Variants in AGBL4 observed in about 807,000 individuals in gnomAD.
AGBL4 encodes the protein AGBL carboxypeptidase 4, also known as cytosolic carboxypeptidase 6.
Under a neutral mutation model 66.4 loss-of-function variants are expected in AGBL4, and 58 were observed. The ratio of observed to expected loss-of-function variants is 0.87; its 90% CI spans 0.71 to 1.09. The LOEUF (loss-of-function observed/expected upper bound fraction) is 1.09, where lower values mean the gene tolerates loss of function less well. Among genes scored for constraint, AGBL4 ranks in the 50% least tolerant of loss-of-function variants. The probability of loss-of-function intolerance (pLI) is 0.00; values close to 1 mark genes in which losing one functional copy is unlikely to be tolerated. For synonymous variants in AGBL4, 234 were observed against 222.9 expected (o/e 1.05, Z -0.44); for missense variants, 579 against 631.0 (o/e 0.92, Z 0.88).
In AGBL4 at chr1:48,627,461, TTC is replaced by T. The variant is rs557416622; in HGVS notation, c.951+7030_951+7031del. 9.3e-3 allele frequency among the ~76,000 whole-genome samples: 1,410 copies of T among 152,112 alleles called. 15 individuals are homozygous for T. Among genetic ancestry groups the T allele is most frequent in the Middle Eastern group, 0.017 (5 of 294 alleles). ...GTGGGTTGGTGTGAATGAGTGCTGG[TTC>T]TGTGTGTGTTATTTGACCATGTCAC... On this transcript the variant is annotated intron_variant, in intron 9 of 13. Coordinates refer to ENST00000371839, the MANE Select transcript of AGBL4 (RefSeq NM_032785.4).
At chr1:48,749,458 A>G (rs931712211) in intron 6 of AGBL4, among the ~76,000 whole-genome samples, 2 of 152,222 alleles carry the variant, frequency 1.3e-5, no homozygotes, top group African/African-American at 4.8e-5. Flanking sequence ...AAAGACTCAG[A>G]GTAGTAAAGT....
chr1:48,845,703 T>C (rs1344116589), intron 6 of AGBL4, among the ~76,000 whole-genome samples: 1 of 152,220 alleles, frequency 6.6e-6, no homozygotes, highest in African/African-American at 2.4e-5. Flanking sequence ...AGAGCATCTA[T>C]ATGCCAGTAG....
chr1:49,829,663 A>G (rs1330758075), intron 2 of AGBL4, among the ~76,000 whole-genome samples: 1 of 152,168 alleles, frequency 6.6e-6, no homozygotes, highest in Non-Finnish European at 1.5e-5. Flanking sequence ...CATGTGCGGA[A>G]CGGTGCAGGT....
chr1:49,906,907 A>G (rs930947368), intron 1 of AGBL4, among the ~76,000 whole-genome samples: 1 of 152,096 alleles, frequency 6.6e-6, no homozygotes, highest in African/African-American at 2.4e-5. Context: ...CCTTAAATCC[A>G]CATTTTCTTA....
rs367999577 is a variant in AGBL4 at position 49,872,766 on chromosome 1, T to C, written c.35-21248A>G. 3.4e-4 allele frequency among the ~76,000 whole-genome samples: 52 copies of C among 152,222 alleles called. 1 individual carries two copies. The South Asian group carries it at 9.5e-3, about 28-fold the overall frequency. On this transcript the variant is annotated intron_variant, in intron 1 of 13. Coordinates refer to ENST00000371839, the MANE Select transcript of AGBL4 (RefSeq NM_032785.4). ...CCAAGTATAATAGGACTAAAACTTATGTGACAAATAAATTGATACTACTAT... is the reference window on the plus strand; with the variant it reads ...CCAAGTATAATAGGACTAAAACTTACGTGACAAATAAATTGATACTACTAT...
At chr1:49,610,719 C>T (rs1489765872) in intron 3 of AGBL4, among the ~76,000 whole-genome samples, 1 of 152,118 alleles carries the variant, frequency 6.6e-6, no homozygotes, top group African/African-American at 2.4e-5. Flanking sequence ...GACACTGAAC[C>T]TACTGGAACC....
chr1:48,841,400 A>AC (rs35019022), intron 6 of AGBL4, among the ~76,000 whole-genome samples: 89 of 103,482 alleles, frequency 8.6e-4, no homozygotes, highest in African/African-American at 3.8e-3. Flanking sequence ...TTACTACAAA[A>AC]CCCCCCCCCC....
intron 4 of AGBL4, among the ~76,000 whole-genome samples, chr1:49,186,770 G>C (rs772963079): frequency 3.9e-5 from 6 of 152,156 alleles, no homozygotes; most frequent in Non-Finnish European, 7.4e-5. Flanking sequence ...AAAGATAATA[G>C]AAAAACACTC....
At chr1:49,396,442 T>C (rs1370556618) in intron 3 of AGBL4, among the ~76,000 whole-genome samples, 1 of 152,084 alleles carries the variant, frequency 6.6e-6, no homozygotes, top group East Asian at 1.9e-4. Flanking sequence ...GTGGAAGAAG[T>C]GAAATAATCT....
intron 3 of AGBL4, among the ~76,000 whole-genome samples, chr1:49,682,527 A>G (rs1162626972): frequency 6.6e-6 from 1 of 152,222 alleles, no homozygotes; most frequent in Non-Finnish European, 1.5e-5. Context: ...TGCTTATTCA[A>G]TGTAGGTCAT....
intron 3 of AGBL4, chr1:49,469,715 T>G (rs1646703549): frequency 6.6e-6 from 1 of 151,920 alleles, no homozygotes; most frequent in African/African-American, 2.4e-5. Flanking sequence ...AACCAGTTCT[T>G]TCAAATTCCT....
chr1:48,581,953 C>T lies in AGBL4; in HGVS notation c.1267+5051G>A, dbSNP rs567485492. ...GACAGGAGAGAGGCCAAGAGGCCACCGGCCATGGCAGAAGCCTCTGAGGAT... is the reference window on the plus strand; with the variant it reads ...GACAGGAGAGAGGCCAAGAGGCCACTGGCCATGGCAGAAGCCTCTGAGGAT... On this transcript the variant is annotated intron_variant, in intron 11 of 13. Coordinates refer to ENST00000371839, the MANE Select transcript of AGBL4 (RefSeq NM_032785.4). 3.9e-4 allele frequency among the ~76,000 whole-genome samples: 60 copies of T among 152,318 alleles called. No individual in the cohort carries two copies. The South Asian group carries it at 4.6e-3, about 12-fold the overall frequency.
chr1:49,450,634 T>C (rs896787372), intron 3 of AGBL4, among the ~76,000 whole-genome samples: 7 of 152,124 alleles, frequency 4.6e-5, no homozygotes, highest in African/African-American at 1.7e-4. Context: ...GTGTAACTAT[T>C]ATTTCAAAAA....
At chr1:49,346,144 A>G (rs1308462135) in intron 3 of AGBL4, among the ~76,000 whole-genome samples, 1 of 152,194 alleles carries the variant, frequency 6.6e-6, no homozygotes, top group Non-Finnish European at 1.5e-5. Context: ...TGGTCATATC[A>G]TGATTTGTCT....
chr1:48,603,477 ATAAAT>A (rs367573877), intron 9 of AGBL4, among the ~76,000 whole-genome samples: 183 of 152,214 alleles, frequency 1.2e-3, no homozygotes, highest in African/African-American at 4.0e-3. Flanking sequence ...TCAAAATAAA[ATAAAT>A]TAAAGTGTTT....
intron 6 of AGBL4, among the ~76,000 whole-genome samples, chr1:48,741,738 T>G (rs921588094): frequency 8.5e-5 from 13 of 152,206 alleles, no homozygotes; most frequent in African/African-American, 2.4e-4. Flanking sequence ...CAGAGACCTT[T>G]TGAAGCATGA....
chr1:49,775,164 C>G (rs747681209), intron 2 of AGBL4, among the ~76,000 whole-genome samples: 7 of 152,064 alleles, frequency 4.6e-5, no homozygotes, highest in Non-Finnish European at 1.0e-4. Flanking sequence ...TTTAAGAGCA[C>G]GTGATCTGGA....
At chr1:49,035,310 T>C (rs1216374486) in intron 5 of AGBL4, among the ~76,000 whole-genome samples, 1 of 152,030 alleles carries the variant, frequency 6.6e-6, no homozygotes, top group Non-Finnish European at 1.5e-5. Context: ...AAGAATTTGA[T>C]TGAGGGGCAT....
chr1:49,475,741 G>A (rs1028179509), intron 3 of AGBL4, among the ~76,000 whole-genome samples: 6 of 151,994 alleles, frequency 3.9e-5, no homozygotes, highest in Non-Finnish European at 8.8e-5. Flanking sequence ...AGTCTCTGAG[G>A]ATCTTTTGTA....
Sources: gnomAD v4.1 joint callset for allele counts (sites outside exome capture counted in the v4.1 genomes callset) on GRCh38, gnomAD v4.1.1 for gene constraint, MANE v1.5 for transcripts, NCBI Gene and HGNC (gene_info 2026-07-23, HGNC 2026-07-21) for gene names.